Variants in CERS4 observed in about 807,000 individuals in gnomAD.
CERS4 encodes LAG1 homolog, ceramide synthase 4.
CERS4 carries 65 observed loss-of-function variants against 51.8 expected under a neutral mutation model. The observed-to-expected ratio is 1.26, with a 90% confidence interval of 1.03 to 1.54. The LOEUF (loss-of-function observed/expected upper bound fraction) is 1.54. CERS4 is among the 40% of genes most tolerant of loss of function. The pLI is 0.00. For synonymous variants in CERS4, 228 were observed against 208.4 expected, an observed-to-expected ratio of 1.09 and a Z score of -0.81; for missense variants, 563 against 500.4, an observed-to-expected ratio of 1.13 and a Z score of -1.19.
chr19:8,227,451 C>T, intron 2 of CERS4, among the ~76,000 whole-genome samples: 1 of 151,994 alleles, frequency 6.6e-6, no homozygotes, highest in Non-Finnish European at 1.5e-5. Flanking sequence ...TCTCATGCCT[C>T]AGCCTTCCAA....
chr19:8,252,960 A>C (rs1352773235), intron 3 of CERS4, among the ~76,000 whole-genome samples: 1 of 152,160 alleles, frequency 6.6e-6, no homozygotes, highest in Non-Finnish European at 1.5e-5. Context: ...ACCCATTAGG[A>C]CAATAGGAAC....
chr19:8,223,254 G>T (rs1053900084), intron 2 of CERS4, among the ~76,000 whole-genome samples: 2 of 151,810 alleles, frequency 1.3e-5, no homozygotes, highest in African/African-American at 4.8e-5. Flanking sequence ...AGGATCACTT[G>T]AACCCAGGAG....
chr19:8,257,972 C>G lies in CERS4; in HGVS notation c.835C>G (p.Leu279Val), dbSNP rs138394312. The change falls in exon 10 of 12, where the codon CTC becomes GTC. Residue 279 changes from leucine to valine, a missense_variant. Physicochemically the swap from Leu to Val is conservative, Grantham distance 32. Transcript: ENST00000251363. ...SFVFFYTRLV[L>V]FPTQILYTTY... Reference sequence around the variant, plus strand: ...TGTCTTCTTCTACACCCGACTGGTCCTCTTTCCCACCCAGTGAGTCAGCCC... The same window carrying G: ...TGTCTTCTTCTACACCCGACTGGTCGTCTTTCCCACCCAGTGAGTCAGCCC... The G allele has an allele frequency of 2.5e-6, 4 of 1,613,688 alleles. No individual in the cohort carries two copies. Among genetic ancestry groups the G allele is most frequent in the Admixed American group, 3.3e-5 (2 of 59,990 alleles).
At chr19:8,232,515 C>T (rs749440864) in intron 2 of CERS4, among the ~76,000 whole-genome samples, 4 of 151,908 alleles carry the variant, frequency 2.6e-5, no homozygotes, top group African/African-American at 4.8e-5. Flanking sequence ...TGATCTCGAA[C>T]TCCCGACCTC....
chr19:8,212,640 A>AT (rs200011221), intron 2 of CERS4, among the ~76,000 whole-genome samples: 7,913 of 149,580 alleles, frequency 0.053, 487 homozygotes, highest in East Asian at 0.19. Flanking sequence ...TTTAATTATT[A>AT]TTTTTTTTAT....
rs34774744 is a variant in CERS4 at position 8,232,889 on chromosome 19, ATTTTTTTT to A, written c.-1-18168_-1-18161del. ...AGGGAGACACCACCATGCCTCGCTG[ATTTTTTTT>A]TTTTTTTTTTTTTTTTTTGAAGTGG... On this transcript the variant is annotated intron_variant, in intron 2 of 11. Coordinates refer to ENST00000251363, the MANE Select transcript of CERS4 (RefSeq NM_024552.3). Among the ~76,000 whole-genome samples, 197 of 59,232 alleles carry A rather than the reference ATTTTTTTT, an allele frequency of 3.3e-3. 2 individuals are homozygous for A. Among genetic ancestry groups the A allele is most frequent in the African/African-American group, 6.5e-3 (99 of 15,272 alleles). 38.9% of individuals were successfully genotyped at this position (59,232 alleles called of 152,430 possible).
chr19:8,256,105 A>C (rs1186874648), intron 6 of CERS4, 131 bp from the exon 7 acceptor site: 6 of 1,060,390 alleles, frequency 5.7e-6, no homozygotes, highest in Middle Eastern at 2.0e-4. Flanking sequence ...CGAGAGTGAG[A>C]AGCAGGAAAA....
intron 2 of CERS4, among the ~76,000 whole-genome samples, chr19:8,218,687 G>A (rs1266556778): frequency 6.6e-5 from 10 of 152,176 alleles, no homozygotes; most frequent in African/African-American, 2.4e-4. Context: ...CTCCATCTGT[G>A]TGTATCCCAG....
chr19:8,222,603 A>G (rs1967611821), intron 2 of CERS4, among the ~76,000 whole-genome samples: 1 of 151,686 alleles, frequency 6.6e-6, no homozygotes, highest in African/African-American at 2.4e-5. Flanking sequence ...GGTTCAAGCA[A>G]TTCTCCTGCT....
At chr19:8,234,055 C>G (rs1307405560) in intron 2 of CERS4, among the ~76,000 whole-genome samples, 1 of 151,740 alleles carries the variant, frequency 6.6e-6, no homozygotes, top group South Asian at 2.1e-4. Flanking sequence ...GCCTGTAATC[C>G]CAGCACTTTG....
At chr19:8,236,166 G>A (rs1968243699) in intron 2 of CERS4, among the ~76,000 whole-genome samples, 1 of 152,120 alleles carries the variant, frequency 6.6e-6, no homozygotes, top group African/African-American at 2.4e-5. Flanking sequence ...CTGCACTCCG[G>A]CCTGGGTGAC....
At chr19:8,245,135 A>AAC (rs1968723345) in intron 2 of CERS4, among the ~76,000 whole-genome samples, 2 of 150,092 alleles carry the variant, frequency 1.3e-5, no homozygotes, top group Admixed American at 6.6e-5. Flanking sequence ...AAAAAAAAAA[A>AAC]CACTCTTGGC....
chr19:8,238,623 G>C, intron 2 of CERS4: 1 of 978,186 alleles, frequency 1.0e-6, no homozygotes, highest in Non-Finnish European at 1.2e-6. Flanking sequence ...AGTTGGGTGG[G>C]CACCTGCTGG....
At chr19:8,261,541 A>G in intron 10 of CERS4, 147 bp from the exon 11 acceptor site, 1 of 891,156 alleles carries the variant, frequency 1.1e-6, no homozygotes, top group South Asian at 1.6e-5. Context: ...TGCCCAGCTC[A>G]AGAGTGTTAG....
At chr19:8,261,022 G>C (rs1203303798) in intron 10 of CERS4, 2 of 152,094 alleles carry the variant, frequency 1.3e-5, no homozygotes, top group Non-Finnish European at 1.5e-5. Context: ...GTGGGAGCTG[G>C]GCTCCAGGAC....
intron 9 of CERS4, among the ~76,000 whole-genome samples, chr19:8,257,403 T>C (rs1969453109): frequency 1.3e-5 from 2 of 152,128 alleles, no homozygotes; most frequent in African/African-American, 4.8e-5. Flanking sequence ...CCTTGGAGGA[T>C]AAAGCTACAC....
At chr19:8,243,701 A>G (rs1968637202) in intron 2 of CERS4, among the ~76,000 whole-genome samples, 1 of 150,530 alleles carries the variant, frequency 6.6e-6, no homozygotes, top group Non-Finnish European at 1.5e-5. Context: ...GCTGATAGAT[A>G]GAGGATTCCA....
At chr19:8,226,926 C>T (rs1035459918) in intron 2 of CERS4, among the ~76,000 whole-genome samples, 1 of 152,104 alleles carries the variant, frequency 6.6e-6, no homozygotes, top group Non-Finnish European at 1.5e-5. Context: ...GTCAGGAGTT[C>T]GAGACCAGCC....
At chr19:8,249,841 G>A (rs564281744) in intron 2 of CERS4, among the ~76,000 whole-genome samples, 3 of 151,080 alleles carry the variant, frequency 2.0e-5, no homozygotes, top group Admixed American at 6.6e-5. Context: ...CACCTGCCTC[G>A]GCCTCCCAAA....
Sources: gnomAD v4.1 joint callset for allele counts (sites outside exome capture counted in the v4.1 genomes callset) on GRCh38, gnomAD v4.1.1 for gene constraint, MANE v1.5 for transcripts, NCBI Gene and HGNC (gene_info 2026-07-23, HGNC 2026-07-21) for gene names.